Variants in ERBB4 observed in about 807,000 individuals in gnomAD.
ERBB4 encodes the protein receptor tyrosine-protein kinase erbB-4.
Under a neutral mutation model 158.0 loss-of-function variants are expected in ERBB4, and 42 were observed. The ratio of observed to expected loss-of-function variants is 0.27; its 90% CI spans 0.21 to 0.34. ERBB4 has a LOEUF of 0.34. Among genes scored for constraint, ERBB4 ranks in the 10% least tolerant of loss-of-function variants. ERBB4 has a pLI of 1.00. For synonymous variants in ERBB4, 583 were observed against 558.7 expected, an observed-to-expected ratio of 1.04 and a Z score of -0.61; for missense variants, 1,333 against 1,624.1, an observed-to-expected ratio of 0.82 and a Z score of 3.08.
chr2:212,004,043 C>A (rs1433486367), intron 2 of ERBB4, among the ~76,000 whole-genome samples: 1 of 152,108 alleles, frequency 6.6e-6, no homozygotes, highest in East Asian at 1.9e-4. Flanking sequence ...ATAACTACTA[C>A]TGATAAAATT....
intron 2 of ERBB4, among the ~76,000 whole-genome samples, chr2:212,055,295 C>A (rs1199060900): frequency 6.6e-6 from 1 of 152,178 alleles, no homozygotes; most frequent in Non-Finnish European, 1.5e-5. Flanking sequence ...AACAAAGCGG[C>A]CAGGAAGCTC....
intron 7 of ERBB4, among the ~76,000 whole-genome samples, chr2:211,718,105 T>A (rs2073980744): frequency 6.6e-6 from 1 of 152,052 alleles, no homozygotes; most frequent in Non-Finnish European, 1.5e-5. Context: ...ACAGATGGGG[T>A]TTCACTATGT....
At chr2:212,400,494 C>T (rs2091171939) in intron 1 of ERBB4, among the ~76,000 whole-genome samples, 2 of 152,150 alleles carry the variant, frequency 1.3e-5, no homozygotes, top group African/African-American at 4.8e-5. Flanking sequence ...TCAGTGATCA[C>T]TAAAATTTAA....
intron 19 of ERBB4, among the ~76,000 whole-genome samples, chr2:211,592,432 C>T (rs1171181901): frequency 2.0e-5 from 3 of 152,040 alleles, no homozygotes; most frequent in Non-Finnish European, 2.9e-5. Context: ...AGTCTAAAAA[C>T]GGGGTAGTAA....
intron 1 of ERBB4, among the ~76,000 whole-genome samples, chr2:212,231,001 A>G (rs1304369254): frequency 2.0e-5 from 3 of 152,234 alleles, no homozygotes; most frequent in Non-Finnish European, 4.4e-5. Context: ...CAAATTTAAG[A>G]AATGTTGAGT....
chr2:211,473,227 T>A (rs1020507198), intron 20 of ERBB4, among the ~76,000 whole-genome samples: 1 of 152,010 alleles, frequency 6.6e-6, no homozygotes, highest in Non-Finnish European at 1.5e-5. Context: ...ATCAGATTAA[T>A]GAGGCCACCA....
chr2:212,185,075 T>A (rs1480200867), intron 1 of ERBB4, among the ~76,000 whole-genome samples: 1 of 151,112 alleles, frequency 6.6e-6, no homozygotes, highest in Non-Finnish European at 1.5e-5. Flanking sequence ...GGCTGGAATG[T>A]AGTGGCACAA....
intron 1 of ERBB4, among the ~76,000 whole-genome samples, chr2:212,393,515 A>G (rs1188847457): frequency 6.6e-6 from 1 of 152,188 alleles, no homozygotes; most frequent in East Asian, 1.9e-4. Context: ...ACACACAATC[A>G]GACACTCTAG....
intron 1 of ERBB4, among the ~76,000 whole-genome samples, chr2:212,253,283 A>C (rs769957443): frequency 1.8e-4 from 28 of 152,276 alleles, no homozygotes; most frequent in Non-Finnish European, 3.7e-4. Context: ...GTGAGATGGG[A>C]TTGAAGCTGT....
chr2:212,435,232 C>G (rs1332391496), intron 1 of ERBB4, among the ~76,000 whole-genome samples: 3 of 151,968 alleles, frequency 2.0e-5, no homozygotes, highest in Non-Finnish European at 4.4e-5. Context: ...TACCATACTA[C>G]CTAATCCCCA....
At chr2:211,976,805 A>T (rs1307222915) in intron 2 of ERBB4, among the ~76,000 whole-genome samples, 2 of 152,182 alleles carry the variant, frequency 1.3e-5, no homozygotes, top group Non-Finnish European at 2.9e-5. Context: ...AGCTAAAAAG[A>T]ATTTAAACTC....
intron 2 of ERBB4, among the ~76,000 whole-genome samples, chr2:212,122,182 C>T (rs938672680): frequency 3.3e-5 from 5 of 151,648 alleles, no homozygotes; most frequent in African/African-American, 4.8e-5. Flanking sequence ...CCTATATATA[C>T]ACACATATAC....
intron 2 of ERBB4, among the ~76,000 whole-genome samples, chr2:211,997,868 A>G (rs948556420): frequency 2.0e-5 from 3 of 148,912 alleles, no homozygotes; most frequent in African/African-American, 7.4e-5. Flanking sequence ...ATTATTTCAT[A>G]TAGCCTATCA....
intron 20 of ERBB4, among the ~76,000 whole-genome samples, chr2:211,482,934 A>G (rs1222488811): frequency 6.6e-6 from 1 of 152,124 alleles, no homozygotes; most frequent in African/African-American, 2.4e-5. Context: ...AAAATTTAAA[A>G]AAATCAAAAC....
intron 25 of ERBB4, among the ~76,000 whole-genome samples, chr2:211,411,611 G>C (rs1574435924): frequency 6.6e-6 from 1 of 152,312 alleles, no homozygotes; most frequent in African/African-American, 2.4e-5. Flanking sequence ...GATGATGCTT[G>C]CAGCTCTGGG....
intron 1 of ERBB4, among the ~76,000 whole-genome samples, chr2:212,454,821 C>A (rs7570124): frequency 0.071 from 10,723 of 152,048 alleles, 887 homozygotes; most frequent in African/African-American, 0.2. Flanking sequence ...CAAAGTGAAG[C>A]AGTTGGACTC....
intron 1 of ERBB4, among the ~76,000 whole-genome samples, chr2:212,315,390 GAC>G (rs2087227918): frequency 6.6e-6 from 1 of 151,242 alleles, no homozygotes; most frequent in Admixed American, 6.6e-5. Flanking sequence ...GATACACATA[GAC>G]ACACATACAC....
intron 1 of ERBB4, among the ~76,000 whole-genome samples, chr2:212,336,746 C>T (rs937553297): frequency 2.0e-5 from 3 of 152,078 alleles, no homozygotes; most frequent in Non-Finnish European, 4.4e-5. Flanking sequence ...TTTTAGTGGA[C>T]TCACTCTAAC....
intron 3 of ERBB4, among the ~76,000 whole-genome samples, chr2:211,827,840 T>C (rs2077136848): frequency 6.6e-6 from 1 of 152,108 alleles, no homozygotes; most frequent in Non-Finnish European, 1.5e-5. Context: ...TTTTATTATA[T>C]ACAATAAAAG....
Sources: allele counts gnomAD v4.1 joint callset (sites outside exome capture counted in the v4.1 genomes callset), GRCh38; gene constraint gnomAD v4.1.1; transcripts MANE v1.5; gene names NCBI Gene and HGNC (gene_info 2026-07-23, HGNC 2026-07-21).